TMTC1: variants seen among roughly 807,000 people sequenced by gnomAD.
The protein encoded by TMTC1 is transmembrane O-mannosyltransferase targeting cadherins 1, also known as protein O-mannosyl-transferase TMTC1.
A neutral mutation model predicts 104.8 loss-of-function variants in TMTC1; 73 were observed. The observed-to-expected ratio is 0.70, with a 90% confidence interval of 0.58 to 0.85. TMTC1 has a LOEUF of 0.85. TMTC1 is among the 40% of genes least tolerant of loss of function. The pLI is 0.00. For synonymous variants in TMTC1, 434 were observed against 428.7 expected (o/e 1.01, Z -0.15); for missense variants, 1,035 against 1,096.1 (o/e 0.94, Z 0.79).
intron 1 of TMTC1, among the ~76,000 whole-genome samples, chr12:29,769,820 A>C (rs1943555111): frequency 6.6e-6 from 1 of 152,176 alleles, no homozygotes; most frequent in Non-Finnish European, 1.5e-5. Context: ...CATGCATTGG[A>C]GGCTTTAAAA....
intron 12 of TMTC1, among the ~76,000 whole-genome samples, 163 bp downstream of exon 12, chr12:29,520,455 A>G (rs1257217022): frequency 6.6e-6 from 1 of 152,198 alleles, no homozygotes; most frequent in African/African-American, 2.4e-5. Context: ...TCGAGCTTGA[A>G]GATCTAGAGA....
chr12:29,673,744 C>CTTTTTTTTTTTT (rs146463669), intron 5 of TMTC1, among the ~76,000 whole-genome samples: 6 of 95,734 alleles, frequency 6.3e-5, no homozygotes, highest in Non-Finnish European at 7.6e-5. Context: ...AGAGGGACTT[C>CTTTTTTTTTTTT]TTTTTTTTTT....
At chr12:29,594,235 C>T (rs934260408) in intron 7 of TMTC1, among the ~76,000 whole-genome samples, 1 of 152,240 alleles carries the variant, frequency 6.6e-6, no homozygotes, top group Non-Finnish European at 1.5e-5. Flanking sequence ...ACAGCACAGT[C>T]ATCTTGAGAA....
At chr12:29,681,099 C>CAAAAAAAAAAAA (rs71045827) in intron 5 of TMTC1, among the ~76,000 whole-genome samples, 1 of 107,236 alleles carries the variant, frequency 9.3e-6, no homozygotes, top group Non-Finnish European at 1.8e-5. Context: ...ACCCTGTCTC[C>CAAAAAAAAAAAA]AAAAAAAAAA....
intron 5 of TMTC1, among the ~76,000 whole-genome samples, chr12:29,737,379 C>A (rs1289042760): frequency 6.6e-6 from 1 of 152,084 alleles, no homozygotes; most frequent in South Asian, 2.1e-4. Flanking sequence ...TTAGCTGGGC[C>A]TGGTGGCGCA....
Position 29,606,979 on chromosome 12 carries a change from C to G in TMTC1, c.1129-2680G>C, listed in dbSNP as rs538902564. ...GAGCACAGCCAACCTTCCTGCCCCC[C>G]CCCCTCACTCACGGACACCCGTAGT... On this transcript the variant is annotated intron_variant, in intron 6 of 17. Transcript: ENST00000539277. Among the ~76,000 whole-genome samples the G allele has an allele frequency of 1.1e-3, 171 of 152,156 alleles. 1 individual carries two copies. Among genetic ancestry groups the G allele is most frequent in the Middle Eastern group, 6.8e-3 (2 of 294 alleles).
chr12:29,708,943 G>A (rs1941825922), intron 5 of TMTC1, among the ~76,000 whole-genome samples: 1 of 152,040 alleles, frequency 6.6e-6, no homozygotes, highest in Non-Finnish European at 1.5e-5. Context: ...CCTAAACATA[G>A]GAGTATAAGA....
intron 11 of TMTC1, among the ~76,000 whole-genome samples, chr12:29,528,577 GA>G (rs1344611443): frequency 6.6e-6 from 1 of 152,146 alleles, no homozygotes; most frequent in Non-Finnish European, 1.5e-5. Flanking sequence ...AAGGAAAAGT[GA>G]AAAATAGATG....
Position 29,767,959 on chromosome 12 carries a change from T to C in TMTC1, c.419A>G (p.Asn140Ser), listed in dbSNP as rs371861462. Reference protein sequence around the residue: ...MYTCDKTVFKNRGLAFVTALL... With the variant: ...MYTCDKTVFKSRGLAFVTALL... The stretch of plus-strand genomic sequence containing the variant: ...TGCCGTTACAAAAGCAAGTCCACGA[T>C]TCTTGAAGACAGTTTTATCACAGGT... The change falls in exon 2 of 18, where the codon AAT (asparagine) becomes AGT (serine). Residue 140 changes from asparagine to serine, a missense_variant. Asn to Ser is a conservative substitution (Grantham distance 46, BLOSUM62 1). Transcript: ENST00000539277. 16 of 1,613,836 alleles carry C rather than the reference T, an allele frequency of 9.9e-6. No homozygotes were observed. Among genetic ancestry groups the C allele is most frequent in the Non-Finnish European group, 1.3e-5 (15 of 1,179,902 alleles).
At chr12:29,543,780 A>G (rs1264890035) in intron 10 of TMTC1, among the ~76,000 whole-genome samples, 2 of 152,184 alleles carry the variant, frequency 1.3e-5, no homozygotes, top group East Asian at 1.9e-4. Context: ...ATTATATTCT[A>G]TGTAGCTTCC....
intron 2 of TMTC1, among the ~76,000 whole-genome samples, chr12:29,767,059 C>T (rs1943481779): frequency 6.6e-6 from 1 of 151,806 alleles, no homozygotes; most frequent in Non-Finnish European, 1.5e-5. Context: ...AAGTGATTCT[C>T]CTGCCTCAGC....
intron 3 of TMTC1, 140 bp from the exon 4 acceptor site, chr12:29,756,025 GCCTT>G: frequency 1.2e-6 from 1 of 844,210 alleles, no homozygotes; most frequent in East Asian, 2.7e-5. Context: ...TTCTTAAAGA[GCCTT>G]CATCCCCACA....
intron 9 of TMTC1, among the ~76,000 whole-genome samples, chr12:29,566,633 C>G (rs1945524349): frequency 6.6e-6 from 1 of 152,144 alleles, no homozygotes; most frequent in African/African-American, 2.4e-5. Context: ...TTGCTGCGGT[C>G]TAGCTGAGAG....
intron 9 of TMTC1, among the ~76,000 whole-genome samples, chr12:29,568,328 T>C (rs1012214469): frequency 1.5e-4 from 23 of 152,140 alleles, no homozygotes; most frequent in Non-Finnish European, 1.8e-4. Context: ...AATAAGTAAA[T>C]GCTCTGAAAA....
chr12:29,507,220 A>G (rs774211803), intron 17 of TMTC1, among the ~76,000 whole-genome samples: 13 of 152,202 alleles, frequency 8.5e-5, no homozygotes, highest in Non-Finnish European at 1.5e-4. Context: ...CTGTAAGGAT[A>G]AATGGCAGAA....
chr12:29,534,790 A>C (rs1296822198), intron 11 of TMTC1: 2 of 152,182 alleles, frequency 1.3e-5, no homozygotes, highest in Admixed American at 1.3e-4. Context: ...ATAGAGTCAA[A>C]TATTCTAACG....
At chr12:29,741,505 C>A (rs1003438510) in intron 5 of TMTC1, among the ~76,000 whole-genome samples, 1 of 152,124 alleles carries the variant, frequency 6.6e-6, no homozygotes, top group African/African-American at 2.4e-5. Flanking sequence ...ATAAGAAAAA[C>A]CAAGATCTAG....
chr12:29,683,829 T>C (rs1011187210), intron 5 of TMTC1, among the ~76,000 whole-genome samples: 7 of 151,198 alleles, frequency 4.6e-5, no homozygotes, highest in South Asian at 2.1e-4. Flanking sequence ...TTAGTAAAGA[T>C]AGTCTATTTC....
intron 5 of TMTC1, among the ~76,000 whole-genome samples, chr12:29,714,851 C>G (rs567849293): frequency 6.6e-6 from 1 of 152,234 alleles, no homozygotes; most frequent in Non-Finnish European, 1.5e-5. Context: ...GTACATGCAT[C>G]AGGGCCACAC....
Sources: allele counts gnomAD v4.1 joint callset (sites outside exome capture counted in the v4.1 genomes callset), GRCh38; gene constraint gnomAD v4.1.1; transcripts MANE v1.5; gene names NCBI Gene and HGNC (gene_info 2026-07-23, HGNC 2026-07-21).